CNTNAP2: variants seen among roughly 807,000 people sequenced by gnomAD.
CNTNAP2 encodes contactin-associated protein-like 2.
In CNTNAP2, 98 loss-of-function variants were observed where a neutral mutation model predicts 155.2. That is an observed-to-expected ratio of 0.63 (90% confidence interval 0.54 to 0.75). The LOEUF is 0.75. Ranked by LOEUF, CNTNAP2 falls within the 30% of genes least tolerant of loss-of-function variation. CNTNAP2 has a pLI of 0.00. For missense variants in CNTNAP2, 1,727 were observed against 1,688.1 expected, an observed-to-expected ratio of 1.02 and a Z score of -0.40; for synonymous variants, 651 against 631.2, an observed-to-expected ratio of 1.03 and a Z score of -0.47.
At position 147,094,463 on chromosome 7, in the gene CNTNAP2, G is replaced by A. The variant is rs1460365812; in HGVS notation, c.551-13684G>A. Among the ~76,000 whole-genome samples the A allele has an allele frequency of 7.5e-5, 11 of 146,114 alleles. No individual in the cohort carries two copies. The East Asian group carries it at 1.5e-3, about 19-fold the overall frequency. On this transcript the variant is annotated intron_variant, in intron 4 of 23. Coordinates refer to ENST00000361727, the MANE Select transcript of CNTNAP2 (RefSeq NM_014141.6). ...GTCACCCAGGCTGGAGTGCGGTGCC[G>A]CGATCTCGGCTCACTGCAAGCTCCG... is the stretch of plus-strand genomic sequence containing the variant.
At chr7:147,073,946 A>G (rs768741904) in intron 4 of CNTNAP2, among the ~76,000 whole-genome samples, 12 of 152,164 alleles carry the variant, frequency 7.9e-5, no homozygotes, top group Admixed American at 2.0e-4. Context: ...ACACAGCATC[A>G]GATAATAGGA....
At chr7:146,133,470 A>G (rs545446705) in intron 1 of CNTNAP2, among the ~76,000 whole-genome samples, 1 of 152,212 alleles carries the variant, frequency 6.6e-6, no homozygotes, top group Non-Finnish European at 1.5e-5. Context: ...TTGGTGTTTT[A>G]GACATGAAGT....
chr7:147,630,675 A>G (rs1795071940), intron 12 of CNTNAP2, among the ~76,000 whole-genome samples: 1 of 152,200 alleles, frequency 6.6e-6, no homozygotes. Context: ...TAACATACAC[A>G]ACCAAATAAA....
At chr7:147,705,973 G>A (rs1584910663) in intron 13 of CNTNAP2, among the ~76,000 whole-genome samples, 2 of 151,738 alleles carry the variant, frequency 1.3e-5, no homozygotes, top group East Asian at 3.9e-4. Flanking sequence ...GTGGAAGAGA[G>A]TTGGCTCATT....
At chr7:146,282,045 A>G (rs936693673) in intron 1 of CNTNAP2, among the ~76,000 whole-genome samples, 9 of 152,278 alleles carry the variant, frequency 5.9e-5, no homozygotes, top group Admixed American at 1.3e-4. Context: ...AAGTAAAGGA[A>G]GAGGAGAAAG....
intron 1 of CNTNAP2, among the ~76,000 whole-genome samples, chr7:146,710,690 C>A (rs1311087212): frequency 3.9e-5 from 6 of 152,122 alleles, no homozygotes; most frequent in African/African-American, 1.4e-4. Flanking sequence ...TAGTCTTTTA[C>A]ATATAATTTG....
intron 3 of CNTNAP2, among the ~76,000 whole-genome samples, chr7:146,865,865 A>G: frequency 6.6e-6 from 1 of 152,126 alleles, no homozygotes; most frequent in Admixed American, 6.6e-5. Context: ...ACAATACACA[A>G]ATACAGTAAA....
chr7:147,760,200 C>G (rs1470309278), intron 13 of CNTNAP2, among the ~76,000 whole-genome samples: 1 of 151,636 alleles, frequency 6.6e-6, no homozygotes, highest in Non-Finnish European at 1.5e-5. Context: ...AGTGCACAAA[C>G]CATCAGAAAT....
At chr7:147,276,490 T>C (rs1048764935) in intron 8 of CNTNAP2, among the ~76,000 whole-genome samples, 2 of 152,096 alleles carry the variant, frequency 1.3e-5, no homozygotes, top group African/African-American at 4.8e-5. Flanking sequence ...CCACTTGTCT[T>C]GAAGTAACCA....
intron 3 of CNTNAP2, among the ~76,000 whole-genome samples, chr7:146,949,329 T>C (rs907506161): frequency 6.6e-6 from 1 of 152,230 alleles, no homozygotes; most frequent in African/African-American, 2.4e-5. Context: ...GATCGCACTC[T>C]TCCAGCAGTC....
chr7:146,768,769 A>G (rs529347348), intron 1 of CNTNAP2, among the ~76,000 whole-genome samples: 17 of 152,180 alleles, frequency 1.1e-4, no homozygotes, highest in African/African-American at 3.6e-4. Flanking sequence ...GTTTTCCTCC[A>G]TTAGGCTTAT....
At chr7:147,108,126 T>C (rs1308939177) in intron 4 of CNTNAP2, 21 bp from the exon 5 acceptor site, 1 of 1,577,336 alleles carries the variant, frequency 6.3e-7, no homozygotes, top group South Asian at 1.1e-5. Context: ...AACTAATATG[T>C]TATTTTTTTT....
chr7:146,903,967 C>T (rs1465118071), intron 3 of CNTNAP2, among the ~76,000 whole-genome samples: 4 of 152,122 alleles, frequency 2.6e-5, no homozygotes, highest in Non-Finnish European at 5.9e-5. Flanking sequence ...TCACATTGTA[C>T]ACCGTAAATA....
intron 11 of CNTNAP2, among the ~76,000 whole-genome samples, chr7:147,519,245 C>T (rs542832966): frequency 6.6e-6 from 1 of 152,064 alleles, no homozygotes; most frequent in East Asian, 1.9e-4. Context: ...TGGAGGCCTC[C>T]CGCATTCCTG....
At chr7:147,531,014 G>C (rs959040177) in intron 11 of CNTNAP2, among the ~76,000 whole-genome samples, 1 of 152,190 alleles carries the variant, frequency 6.6e-6, no homozygotes, top group African/African-American at 2.4e-5. Context: ...CAGTGGGGCA[G>C]TCAAATTTTA....
chr7:147,995,919 C>T (rs1004422904), intron 15 of CNTNAP2, among the ~76,000 whole-genome samples: 6 of 152,182 alleles, frequency 3.9e-5, no homozygotes, highest in Admixed American at 2.6e-4. Flanking sequence ...ATCCATTCCC[C>T]GGGCAGCACC....
chr7:147,923,647 A>C (rs1167157123), intron 14 of CNTNAP2, among the ~76,000 whole-genome samples: 1 of 151,506 alleles, frequency 6.6e-6, no homozygotes, highest in Non-Finnish European at 1.5e-5. Flanking sequence ...CGAAGTAGCT[A>C]GGATTATAGG....
At chr7:148,277,587 C>A (rs1796891688) in intron 21 of CNTNAP2, among the ~76,000 whole-genome samples, 1 of 92,746 alleles carries the variant, frequency 1.1e-5, no homozygotes, top group South Asian at 3.0e-4. Context: ...TAGTACAGGA[C>A]CGCCCCCCAC....
chr7:148,393,971 T>G (rs1383602035), intron 22 of CNTNAP2, among the ~76,000 whole-genome samples: 1 of 151,926 alleles, frequency 6.6e-6, no homozygotes, highest in Admixed American at 6.6e-5. Context: ...AAATTAGTAT[T>G]TTTAATGTTT....
Sources: allele counts gnomAD v4.1 joint callset (sites outside exome capture counted in the v4.1 genomes callset), GRCh38; gene constraint gnomAD v4.1.1; transcripts MANE v1.5; gene names NCBI Gene and HGNC (gene_info 2026-07-23, HGNC 2026-07-21).